TRMT5: variants seen among roughly 807,000 people sequenced by gnomAD.
The protein encoded by TRMT5 is tRNA (guanine(37)-N(1))-methyltransferase.
A neutral mutation model predicts 42.2 loss-of-function variants in TRMT5; 31 were observed. The ratio of observed to expected loss-of-function variants is 0.73; its 90% CI spans 0.55 to 0.99. The LOEUF is 0.99. TRMT5 is among the 50% of genes least tolerant of loss of function. The pLI, the probability that TRMT5 is intolerant of heterozygous loss-of-function variation, is 0.00. For missense variants in TRMT5, 568 were observed against 595.0 expected, an observed-to-expected ratio of 0.95 and a Z score of 0.47; for synonymous variants, 198 against 209.6, an observed-to-expected ratio of 0.94 and a Z score of 0.48.
upstream of TRMT5, chr14:60,981,319 G>A: frequency 6.2e-7 from 1 of 1,610,692 alleles, no homozygotes; most frequent in Non-Finnish European, 8.5e-7. Context: ...AGCGGGGCTG[G>A]TATGTCTCTG....
In TRMT5 at chr14:60,973,844, A is replaced by G. The variant is rs555574040; in HGVS notation, c.*1265T>C. Reference sequence around the variant, plus strand: ...CATAATTAATTCACACCATCAATAAATGGCTTTGCTTGGCTAACAAATGAT... The same window carrying G: ...CATAATTAATTCACACCATCAATAAGTGGCTTTGCTTGGCTAACAAATGAT... On this transcript the variant is annotated 3_prime_UTR_variant, in exon 5 of 5. Coordinates refer to ENST00000261249, the MANE Select transcript of TRMT5 (RefSeq NM_020810.3). 1 of 152,324 alleles carries G rather than the reference A, an allele frequency of 6.6e-6. No homozygotes were observed. The highest frequency in any genetic ancestry group is 1.9e-4 in the East Asian group (1 of 5,188). The allele number at this position is 152,324 out of a possible 1,614,324, so 9.4% of individuals were successfully genotyped here.
upstream of TRMT5, chr14:60,981,177 AG>A: frequency 1.3e-6 from 2 of 1,535,236 alleles, no homozygotes; most frequent in South Asian, 2.4e-5. Context: ...GAATGCCGGA[AG>A]GGCCGGGCTC....
intron 2 of TRMT5, among the ~76,000 whole-genome samples, chr14:60,978,459 A>T (rs1440993408): frequency 7.2e-5 from 11 of 152,196 alleles, no homozygotes; most frequent in Non-Finnish European, 1.5e-5. Flanking sequence ...ATGTATCTGA[A>T]CTCAACTTTT....
chr14:60,981,020 T>C lies in TRMT5; in HGVS notation c.-47A>G. On this transcript the variant is annotated 5_prime_UTR_variant, in exon 1 of 5. Coordinates refer to ENST00000261249, the MANE Select transcript of TRMT5 (RefSeq NM_020810.3). Reference sequence around the variant, plus strand: ...GCAGCTGGATCCGCGAGCCGACCCCTCACCTCCCGCTCCGGTACCGATCGG... The same window carrying C: ...GCAGCTGGATCCGCGAGCCGACCCCCCACCTCCCGCTCCGGTACCGATCGG... The C allele has an allele frequency of 6.2e-7, 1 of 1,611,102 alleles. No individual in the cohort carries two copies.
chr14:60,980,813 C>G, intron 1 of TRMT5, 150 bp downstream of exon 1: 1 of 1,156,620 alleles, frequency 8.6e-7, no homozygotes. Context: ...ACATTCCTTA[C>G]TATCCAGAAC....
At chr14:60,981,448 A>T (rs2037011721), upstream of TRMT5, 1 of 1,546,418 alleles carries the variant, frequency 6.5e-7, no homozygotes, top group Admixed American at 2.0e-5. Flanking sequence ...CCTGCCAAAT[A>T]AGACCCAGAA....
chr14:60,979,790 T>C lies in TRMT5; in HGVS notation c.108A>G (p.Thr36=), dbSNP rs548713110. Residue 36 remains threonine (T), a synonymous_variant, in exon 2 of 5, where the codon ACA becomes ACG. Transcript: ENST00000261249. The part of the protein sequence containing the change: ...ESKSLIPVAW[T]SLTQMLLEAP... ...CTTCCAAAAGCATCTGTGTCAGGGA[T>C]GTCCAAGCTACTGGAATCAACGATT... The C allele has an allele frequency of 6.2e-7, 1 of 1,613,922 alleles. No individual in the cohort carries two copies. Among genetic ancestry groups the C allele is most frequent in the South Asian group, 1.1e-5 (1 of 91,064 alleles).
chr14:60,971,555 C>A lies in TRMT5; in HGVS notation c.*3554G>T. 1 of 169,244 alleles carries A rather than the reference C, an allele frequency of 5.9e-6. No homozygotes were observed. Among genetic ancestry groups the A allele is most frequent in the Non-Finnish European group, 1.2e-5 (1 of 81,038 alleles). 10.5% of individuals were successfully genotyped at this position (169,244 alleles called of 1,614,324 possible). The stretch of plus-strand genomic sequence containing the variant: ...TCATTAACAGTATACAACTTTCAAA[C>A]TCTCTTCTTCAATGGACTACCAAAA... On this transcript the variant is annotated 3_prime_UTR_variant, in exon 5 of 5. Coordinates refer to ENST00000261249, the MANE Select transcript of TRMT5 (RefSeq NM_020810.3).
intron 1 of TRMT5, 37 bp downstream of exon 1, chr14:60,980,926 C>A: frequency 6.2e-7 from 1 of 1,612,580 alleles, no homozygotes. Flanking sequence ...TGGTACCTCC[C>A]CTGGACCATT....
rs1451742037 is a variant in TRMT5 at position 60,975,682 on chromosome 14, G to C, written c.1237C>G (p.Leu413Val). The part of the protein sequence containing the change: ...LDGQPCSSEF[L>V]PIVHCYSFSK... The stretch of plus-strand genomic sequence containing the variant: ...AAGCTATAACAATGCACTATGGGAA[G>C]GAACTCACTGCTGCATGGCTGCCCA... Residue 413 changes from leucine to valine, a missense_variant, in exon 4 of 5, where the codon CTT becomes GTT. Coordinates refer to ENST00000261249, the MANE Select transcript of TRMT5 (RefSeq NM_020810.3). 11 of 1,614,218 alleles carry C rather than the reference G, an allele frequency of 6.8e-6. No homozygotes were observed. In the South Asian group the frequency reaches 9.9e-5, roughly 14 times the overall value.
At chr14:60,979,105 C>T (rs1356453418) in intron 2 of TRMT5, 126 bp downstream of exon 2, 1 of 858,366 alleles carries the variant, frequency 1.2e-6, no homozygotes, top group Non-Finnish European at 1.8e-6. Flanking sequence ...CAAGATCTAG[C>T]TTAAAGTTAA....
At chr14:60,981,176 A>G, upstream of TRMT5, 6 of 1,535,054 alleles carry the variant, frequency 3.9e-6, no homozygotes, top group South Asian at 6.1e-5. Flanking sequence ...GGAATGCCGG[A>G]AGGGCCGGGC....
In TRMT5 at chr14:60,979,828, T is replaced by C. The variant is rs115407315; in HGVS notation, c.70A>G (p.Ile24Val). The C allele has an allele frequency of 3.4e-4, 539 of 1,606,224 alleles. 1 individual carries two copies. The African/African-American group carries it at 6.6e-3, about 20-fold the overall frequency. ...GGAATCAACGATTTTGATTCAGTTA[T>C]GCTATGGCTTTCCAGTTTCAGAAAT... is the stretch of plus-strand genomic sequence containing the variant. Reference protein sequence around the residue: ...GRFLKLESHSITESKSLIPVA... With the variant: ...GRFLKLESHSVTESKSLIPVA... The change falls in exon 2 of 5, where the codon ATA (isoleucine) becomes GTA (valine). Residue 24 changes from isoleucine (I) to valine (V), a missense_variant. Physicochemically the swap from Ile to Val is conservative, Grantham distance 29 (BLOSUM62 3). Coordinates refer to ENST00000261249, the MANE Select transcript of TRMT5 (RefSeq NM_020810.3).
chr14:60,977,388 C>T (rs2036861551), intron 3 of TRMT5, 126 bp downstream of exon 3: 3 of 899,814 alleles, frequency 3.3e-6, no homozygotes, highest in East Asian at 2.7e-5. Flanking sequence ...CAATAGCATA[C>T]ATAAGTGATC....
intron 3 of TRMT5, among the ~76,000 whole-genome samples, chr14:60,977,171 G>A (rs935046074): frequency 9.2e-5 from 14 of 152,022 alleles, no homozygotes; most frequent in African/African-American, 3.4e-4. Flanking sequence ...AATATATCTC[G>A]AGAACTATTT....
Position 60,972,150 on chromosome 14 carries a change from A to T in TRMT5, c.*2959T>A. 2.5e-6 allele frequency: 1 copy of T among 397,100 alleles called. No homozygotes were observed. Among genetic ancestry groups the T allele is most frequent in the Admixed American group, 3.2e-5 (1 of 30,976 alleles). The allele number at this position is 397,100 out of a possible 1,614,324, so 24.6% of individuals were successfully genotyped here. ...GTGTGCTAACAACATAGCTTAAAAA[A>T]AGTAAAACAAAATTCTGCATTTTTA... On this transcript the variant is annotated 3_prime_UTR_variant, in exon 5 of 5. Coordinates refer to ENST00000261249, the MANE Select transcript of TRMT5 (RefSeq NM_020810.3).
chr14:60,971,853 C>A lies in TRMT5; in HGVS notation c.*3256G>T, dbSNP rs1027939709. On this transcript the variant is annotated 3_prime_UTR_variant, in exon 5 of 5. Coordinates refer to ENST00000261249, the MANE Select transcript of TRMT5 (RefSeq NM_020810.3). ...GTAACCAATGACCGGGGGTCAGGTC[C>A]CAACAGATGTCTGGGCTTAAGGGGA... The A allele has an allele frequency of 3.6e-5, 6 of 165,616 alleles. No homozygotes were observed. The Admixed American group carries it at 4.0e-4, about 11-fold the overall frequency. 10.3% of individuals were successfully genotyped at this position (165,616 alleles called of 1,614,324 possible).
At position 60,979,791 on chromosome 14, in the gene TRMT5, G is replaced by A; in HGVS notation, c.107C>T (p.Thr36Ile). Reference protein sequence around the residue: ...ESKSLIPVAWTSLTQMLLEAP... With the variant: ...ESKSLIPVAWISLTQMLLEAP... ...TTCCAAAAGCATCTGTGTCAGGGAT[G>A]TCCAAGCTACTGGAATCAACGATTT... Residue 36 changes from threonine (T) to isoleucine (I), a missense_variant, in exon 2 of 5, where the codon ACA becomes ATA. Thr to Ile is a moderately conservative substitution (Grantham distance 89). Coordinates refer to ENST00000261249, the MANE Select transcript of TRMT5 (RefSeq NM_020810.3). 1.2e-6 allele frequency: 2 copies of A among 1,613,522 alleles called. No individual in the cohort carries two copies. Among genetic ancestry groups the A allele is most frequent in the Non-Finnish European group, 1.7e-6 (2 of 1,179,962 alleles).
rs759729088 is a variant in TRMT5 at position 60,979,314 on chromosome 14, T to A, written c.584A>T (p.Asp195Val). Residue 195 changes from aspartate (D) to valine (V), a missense_variant, in exon 2 of 5, where the codon GAT (aspartate) becomes GTT (valine). Coordinates refer to ENST00000261249, the MANE Select transcript of TRMT5 (RefSeq NM_020810.3). ...ILRAVLPEGQ[D>V]VTSGFSRIGH... ...AATCCTGCTAAACCCTGAAGTTACATCTTGACCTTCAGGAAGCACAGCTCT... is the reference window on the plus strand; with the variant it reads ...AATCCTGCTAAACCCTGAAGTTACAACTTGACCTTCAGGAAGCACAGCTCT... 13 of 1,614,018 alleles carry A rather than the reference T, an allele frequency of 8.1e-6. No homozygotes were observed. The highest frequency in any genetic ancestry group is 1.6e-4 in the Middle Eastern group (1 of 6,084).
Sources: gnomAD v4.1 joint callset for allele counts (sites outside exome capture counted in the v4.1 genomes callset) on GRCh38, gnomAD v4.1.1 for gene constraint, MANE v1.5 for transcripts, NCBI Gene and HGNC (gene_info 2026-07-23, HGNC 2026-07-21) for gene names.